Variants in CNTN5 observed in about 807,000 individuals in gnomAD.
The protein encoded by CNTN5 is contactin-5.
In CNTN5, 77 loss-of-function variants were observed where a neutral mutation model predicts 129.1. The ratio of observed to expected loss-of-function variants is 0.60; its 90% CI spans 0.50 to 0.72. The LOEUF (loss-of-function observed/expected upper bound fraction) is 0.72. Among genes scored for constraint, CNTN5 ranks in the 30% least tolerant of loss-of-function variants. The pLI is 0.00. For missense variants in CNTN5, 1,478 were observed against 1,328.8 expected, an observed-to-expected ratio of 1.11 and a Z score of -1.75; for synonymous variants, 509 against 465.6, an observed-to-expected ratio of 1.09 and a Z score of -1.20.
intron 2 of CNTN5, among the ~76,000 whole-genome samples, chr11:99,406,762 C>T (rs1942087768): frequency 6.6e-6 from 1 of 152,190 alleles, no homozygotes; most frequent in Non-Finnish European, 1.5e-5. Context: ...GCATTCAGAT[C>T]ATAAGACACA....
intron 3 of CNTN5, among the ~76,000 whole-genome samples, chr11:99,676,620 T>G (rs1047477642): frequency 1.3e-5 from 2 of 152,144 alleles, no homozygotes; most frequent in African/African-American, 2.4e-5. Flanking sequence ...AAACAATGGA[T>G]TTTCGTTTCA....
At chr11:99,699,813 A>G (rs1327732134) in intron 3 of CNTN5, among the ~76,000 whole-genome samples, 1 of 151,358 alleles carries the variant, frequency 6.6e-6, no homozygotes, top group African/African-American at 2.4e-5. Context: ...GCCTTTATTT[A>G]TAAATCTAGC....
intron 2 of CNTN5, among the ~76,000 whole-genome samples, chr11:99,463,555 GTCT>G (rs1414979458): frequency 0.012 from 1,832 of 151,310 alleles, 40 homozygotes; most frequent in African/African-American, 0.042. Context: ...ACTGTATAAT[GTCT>G]ATACTGTATA....
chr11:99,423,371 G>T (rs1410144475), intron 2 of CNTN5, among the ~76,000 whole-genome samples: 1 of 152,184 alleles, frequency 6.6e-6, no homozygotes, highest in Non-Finnish European at 1.5e-5. Context: ...TATTTTCCAT[G>T]ATGTTTACAT....
intron 1 of CNTN5, among the ~76,000 whole-genome samples, chr11:99,028,212 T>G (rs1863191052): frequency 6.6e-6 from 1 of 151,848 alleles, no homozygotes; most frequent in Non-Finnish European, 1.5e-5. Context: ...TATATGACTG[T>G]GTTTGTTTGT....
chr11:99,797,174 C>G (rs933252569), intron 3 of CNTN5, among the ~76,000 whole-genome samples: 5 of 152,126 alleles, frequency 3.3e-5, no homozygotes, highest in Non-Finnish European at 7.3e-5. Context: ...TAAGTTGATT[C>G]CACGCCTTTG....
intron 11 of CNTN5, among the ~76,000 whole-genome samples, chr11:100,071,030 C>T (rs182507238): frequency 1.3e-5 from 2 of 151,866 alleles, no homozygotes; most frequent in East Asian, 1.9e-4. Flanking sequence ...GTAGACAAGA[C>T]ATTTGGAGGT....
chr11:99,464,740 T>C (rs1160645185), intron 2 of CNTN5, among the ~76,000 whole-genome samples: 1 of 152,182 alleles, frequency 6.6e-6, no homozygotes, highest in Non-Finnish European at 1.5e-5. Flanking sequence ...TGGATTAGAA[T>C]ATGCAGTGTT....
At chr11:99,578,881 G>C (rs1446594030) in intron 3 of CNTN5, among the ~76,000 whole-genome samples, 1 of 152,192 alleles carries the variant, frequency 6.6e-6, no homozygotes, top group South Asian at 2.1e-4. Context: ...TGCTTTTGGT[G>C]TTTTAGACAT....
intron 6 of CNTN5, among the ~76,000 whole-genome samples, chr11:99,869,328 A>G (rs537536421): frequency 6.6e-6 from 1 of 152,306 alleles, no homozygotes; most frequent in South Asian, 2.1e-4. Context: ...AACAATTTCA[A>G]TCCAGAACTC....
intron 3 of CNTN5, among the ~76,000 whole-genome samples, chr11:99,679,264 TTAAAAC>T (rs910647169): frequency 6.6e-6 from 1 of 150,596 alleles, no homozygotes; most frequent in African/African-American, 2.4e-5. Context: ...AAGGGTGAAA[TTAAAAC>T]TAGAGACAAG....
intron 2 of CNTN5, among the ~76,000 whole-genome samples, chr11:99,444,126 G>T (rs778987690): frequency 2.6e-5 from 4 of 151,978 alleles, no homozygotes; most frequent in Admixed American, 6.6e-5. Context: ...TTGAACCCAG[G>T]GGGTGGAGGT....
At chr11:99,703,005 T>C (rs1405498822) in intron 3 of CNTN5, among the ~76,000 whole-genome samples, 2 of 150,868 alleles carry the variant, frequency 1.3e-5, no homozygotes, top group African/African-American at 4.8e-5. Context: ...TGTATAAACG[T>C]CGCATGAAGA....
intron 6 of CNTN5, among the ~76,000 whole-genome samples, chr11:99,913,888 C>A (rs992806671): frequency 3.3e-5 from 5 of 151,912 alleles, no homozygotes; most frequent in Non-Finnish European, 5.9e-5. Context: ...AAATTGATAT[C>A]CCAATGACCT....
At chr11:99,968,099 C>T (rs889102659) in intron 8 of CNTN5, among the ~76,000 whole-genome samples, 13 of 152,032 alleles carry the variant, frequency 8.6e-5, no homozygotes, top group African/African-American at 3.1e-4. Context: ...AGGCTTCTCA[C>T]CTTTCTTTCA....
At chr11:99,383,264 G>C (rs754469133) in intron 2 of CNTN5, among the ~76,000 whole-genome samples, 1 of 152,122 alleles carries the variant, frequency 6.6e-6, no homozygotes, top group Non-Finnish European at 1.5e-5. Context: ...AAAGAAATAG[G>C]AAGAAAAGAC....
At chr11:99,408,471 A>AAAG (rs772961155) in intron 2 of CNTN5, among the ~76,000 whole-genome samples, 2 of 131,346 alleles carry the variant, frequency 1.5e-5, no homozygotes, top group Non-Finnish European at 1.7e-5. Flanking sequence ...AGAAAGAAAG[A>AAAG]AAGAAAGAAA....
Position 100,076,672 on chromosome 11 carries a change from T to A in CNTN5, c.1580+2378T>A, listed in dbSNP as rs531595616. On this transcript the variant is annotated intron_variant, in intron 13 of 24. Transcript: ENST00000524871. ...GTTTAGGAAGAAGGCTAAAATGTAATTTTTTTTTTTAATTTATTCAAGTAA... is the reference window on the plus strand; with the variant it reads ...GTTTAGGAAGAAGGCTAAAATGTAAATTTTTTTTTTAATTTATTCAAGTAA... Among the ~76,000 whole-genome samples, 6 of 134,264 alleles carry A rather than the reference T, an allele frequency of 4.5e-5. No homozygotes were observed. The South Asian group carries it at 1.4e-3, about 32-fold the overall frequency. The allele number at this position is 134,264 out of a possible 152,430, so 88.1% of individuals were successfully genotyped here.
Position 99,697,776 on chromosome 11 carries a change from A to AT in CNTN5, c.56-121766dup, listed in dbSNP as rs1396416693. On this transcript the variant is annotated intron_variant, in intron 3 of 24. Coordinates refer to ENST00000524871, the MANE Select transcript of CNTN5 (RefSeq NM_014361.4). ...GAAACCAAGTGTGGGGTGTATGGGA[A>AT]TTGTATGTACTATCTTTTAAATTTT... is the stretch of plus-strand genomic sequence containing the variant. 3.3e-5 allele frequency among the ~76,000 whole-genome samples: 5 copies of AT among 151,848 alleles called. No homozygotes were observed. The East Asian group carries it at 9.7e-4, about 30-fold the overall frequency.
Sources: allele counts gnomAD v4.1 joint callset (sites outside exome capture counted in the v4.1 genomes callset), GRCh38; gene constraint gnomAD v4.1.1; transcripts MANE v1.5; gene names NCBI Gene and HGNC (gene_info 2026-07-23, HGNC 2026-07-21).